Variants in CNNM4 observed in about 807,000 individuals in gnomAD.
CNNM4 encodes the protein metal transporter CNNM4.
A neutral mutation model predicts 53.7 loss-of-function variants in CNNM4; 32 were observed. The observed-to-expected ratio is 0.60, with a 90% CI of 0.45 to 0.80. The LOEUF is 0.80. Among genes scored for constraint, CNNM4 ranks in the 30% least tolerant of loss-of-function variants. The pLI is 0.00. For missense variants in CNNM4, 784 were observed against 1,022.0 expected, an observed-to-expected ratio of 0.77 and a Z score of 3.17; for synonymous variants, 410 against 440.0, an observed-to-expected ratio of 0.93 and a Z score of 0.85.
intron 1 of CNNM4, among the ~76,000 whole-genome samples, chr2:96,795,644 C>A (rs1284461683): frequency 6.6e-6 from 1 of 152,152 alleles, no homozygotes; most frequent in African/African-American, 2.4e-5. Context: ...GGAAAACATC[C>A]TCCACCGAGG....
chr2:96,807,468 C>CA (rs1000751532), intron 5 of CNNM4, among the ~76,000 whole-genome samples: 55 of 144,086 alleles, frequency 3.8e-4, no homozygotes, highest in African/African-American at 7.4e-4. Context: ...ACTAAAAATA[C>CA]AAAAAAAAAA....
chr2:96,763,495 C>G (rs1159752691), intron 1 of CNNM4, among the ~76,000 whole-genome samples: 1 of 152,164 alleles, frequency 6.6e-6, no homozygotes, highest in Non-Finnish European at 1.5e-5. Context: ...AACTTGGGGA[C>G]TTTGCTTTCT....
chr2:96,797,918 A>G lies in CNNM4; in HGVS notation c.1681+271A>G, dbSNP rs189236817. Among the ~76,000 whole-genome samples, 83 of 152,264 alleles carry G rather than the reference A, an allele frequency of 5.5e-4. No individual in the cohort carries two copies. The Middle Eastern group carries it at 0.014, about 25-fold the overall frequency. On this transcript the variant is annotated intron_variant, in intron 3 of 6. Coordinates refer to ENST00000377075, the MANE Select transcript of CNNM4 (RefSeq NM_020184.4). This position sits in a 1 kb window ranked among gnomAD's most constrained non-coding sequence, Gnocchi z 6.0. ...GTTTGGGAAATAATGACTAGGCACT[A>G]TGGCTTATACCTGTAATCCCAGCAC...
intron 5 of CNNM4, among the ~76,000 whole-genome samples, chr2:96,799,947 G>A (rs1296485944): frequency 6.6e-6 from 1 of 152,218 alleles, no homozygotes; most frequent in African/African-American, 2.4e-5. Flanking sequence ...CAGCCTGCTT[G>A]GAGAGGAGGC....
intron 1 of CNNM4, among the ~76,000 whole-genome samples, chr2:96,764,928 A>C: frequency 6.8e-6 from 1 of 146,606 alleles, no homozygotes; most frequent in Non-Finnish European, 1.5e-5. Flanking sequence ...CAGAGGTTGC[A>C]GTGAGCCCAG....
chr2:96,777,520 A>G (rs1480465844), intron 1 of CNNM4, among the ~76,000 whole-genome samples: 1 of 151,884 alleles, frequency 6.6e-6, no homozygotes, highest in African/African-American at 2.4e-5. Context: ...GGCTACTTTG[A>G]GACAGAGTCT....
chr2:96,763,946 G>C (rs2153342598), intron 1 of CNNM4, among the ~76,000 whole-genome samples: 1 of 152,228 alleles, frequency 6.6e-6, no homozygotes, highest in African/African-American at 2.4e-5. Context: ...AGGTACCCGA[G>C]CCTGGGACAG....
intron 5 of CNNM4, 133 bp downstream of exon 5, chr2:96,799,781 C>T (rs973948542): frequency 7.7e-5 from 62 of 806,512 alleles, no homozygotes; most frequent in Admixed American, 2.0e-4. Context: ...GCTGGTGAGG[C>T]GGGAGCCGCC....
chr2:96,763,868 G>A (rs1178555940), intron 1 of CNNM4, among the ~76,000 whole-genome samples: 4 of 149,926 alleles, frequency 2.7e-5, no homozygotes, highest in African/African-American at 9.9e-5. Context: ...AGTGGTGAAG[G>A]CAGAGGCTGC....
At chr2:96,805,418 G>GTTTTTT (rs898761608) in intron 5 of CNNM4, among the ~76,000 whole-genome samples, 7 of 76,148 alleles carry the variant, frequency 9.2e-5, no homozygotes, top group Non-Finnish European at 1.6e-4. Context: ...CTTCTTTTCA[G>GTTTTTT]TTTTTTTTTT....
At chr2:96,776,339 T>A (rs2078924516) in intron 1 of CNNM4, among the ~76,000 whole-genome samples, 2 of 152,096 alleles carry the variant, frequency 1.3e-5, no homozygotes, top group African/African-American at 4.8e-5. Context: ...CCATTGTGTT[T>A]TTTTTTAATT....
chr2:96,762,439 T>A (rs773203026), intron 1 of CNNM4, 38 bp downstream of exon 1: 2 of 1,572,478 alleles, frequency 1.3e-6, no homozygotes, highest in Non-Finnish European at 1.8e-6. Context: ...CAATTTCCTC[T>A]TGACGCCTCT....
At chr2:96,792,580 A>C (rs1486605179) in intron 1 of CNNM4, among the ~76,000 whole-genome samples, 1 of 151,948 alleles carries the variant, frequency 6.6e-6, no homozygotes, top group Non-Finnish European at 1.5e-5. Context: ...AGGAGGGTGG[A>C]TCACCTGAGG....
At chr2:96,792,035 C>T (rs2079066444) in intron 1 of CNNM4, among the ~76,000 whole-genome samples, 1 of 151,946 alleles carries the variant, frequency 6.6e-6, no homozygotes. Flanking sequence ...GGGCTGAACA[C>T]TTGAGATCAG....
intron 1 of CNNM4, among the ~76,000 whole-genome samples, chr2:96,787,799 G>C (rs1050811849): frequency 3.9e-5 from 6 of 152,152 alleles, no homozygotes; most frequent in Non-Finnish European, 8.8e-5. Flanking sequence ...AGTCAAAGTT[G>C]CAGTGAGCTG....
chr2:96,761,361 T>A lies in CNNM4; in HGVS notation c.362T>A (p.Val121Asp). 6.2e-7 allele frequency: 1 copy of A among 1,614,034 alleles called. No homozygotes were observed. The highest frequency in any genetic ancestry group is 8.5e-7 in the Non-Finnish European group (1 of 1,180,020). ...LTKDLVVQQL[V>D]NVSRGNTSGV... is the part of the protein sequence containing the mutation. ...AAGGACCTGGTCGTCCAGCAGCTGG[T>A]CAACGTGAGCCGCGGGAACACGTCC... The change falls in exon 1 of 7, where the codon GTC becomes GAC. Residue 121 changes from valine to aspartate, a missense_variant. Coordinates refer to ENST00000377075, the MANE Select transcript of CNNM4 (RefSeq NM_020184.4). This position sits in a 1 kb window ranked among gnomAD's most constrained non-coding sequence, Gnocchi z 6.0.
chr2:96,769,236 G>A (rs1308672319), intron 1 of CNNM4, among the ~76,000 whole-genome samples: 1 of 151,708 alleles, frequency 6.6e-6, no homozygotes, highest in African/African-American at 2.4e-5. Context: ...GGGCAACAGA[G>A]CGAGACTCCG....
At chr2:96,779,032 C>T (rs1403813999) in intron 1 of CNNM4, among the ~76,000 whole-genome samples, 2 of 152,072 alleles carry the variant, frequency 1.3e-5, no homozygotes, top group East Asian at 1.9e-4. Context: ...TTTTGGCTCA[C>T]TGCAAGCTCT....
chr2:96,767,089 T>C lies in CNNM4; in HGVS notation c.1402+4688T>C, dbSNP rs112542321. Among the ~76,000 whole-genome samples, 169 of 152,238 alleles carry C rather than the reference T, an allele frequency of 1.1e-3. 2 individuals carry two copies. Among genetic ancestry groups the C allele is most frequent in the Non-Finnish European group, 1.7e-3 (119 of 68,010 alleles). ...TCCCTCATTAGATGAGTCATGAATG[T>C]GCTCCTACACACTTAGAGACGGGCT... On this transcript the variant is annotated intron_variant, in intron 1 of 6. Transcript: ENST00000377075.
Sources: allele counts gnomAD v4.1 joint callset (sites outside exome capture counted in the v4.1 genomes callset), GRCh38; gene constraint gnomAD v4.1.1; non-coding constraint Gnocchi (gnomAD v3.1); transcripts MANE v1.5; gene names NCBI Gene and HGNC (gene_info 2026-07-23, HGNC 2026-07-21).